The following KLHL5 variants were observed in gnomAD, a reference collection of about 807,000 sequenced individuals.
The protein encoded by KLHL5 is kelch-like protein 5.
A neutral mutation model predicts 77.7 loss-of-function variants in KLHL5; 48 were observed. That is an observed-to-expected ratio of 0.62 (90% confidence interval 0.49 to 0.79). KLHL5 has a LOEUF of 0.79. Ranked by LOEUF, KLHL5 falls within the 30% of genes least tolerant of loss-of-function variation. The pLI is 0.00. For synonymous variants in KLHL5, 260 were observed against 297.0 expected, an observed-to-expected ratio of 0.88 and a Z score of 1.28; for missense variants, 723 against 859.7, an observed-to-expected ratio of 0.84 and a Z score of 1.99.
intron 2 of KLHL5, among the ~76,000 whole-genome samples, chr4:39,078,873 A>G (rs189551638): frequency 2.5e-3 from 382 of 151,694 alleles, no homozygotes; most frequent in Non-Finnish European, 3.9e-3. Flanking sequence ...ACAAAACACC[A>G]CCCATTGCCC....
downstream of KLHL5, among the ~76,000 whole-genome samples, chr4:39,127,420 G>C (rs1723598954): frequency 6.6e-6 from 1 of 152,098 alleles, no homozygotes; most frequent in Non-Finnish European, 1.5e-5. Context: ...AGGACGTAGA[G>C]TAAATTTGGG....
At chr4:39,084,094 C>T (rs1719845901) in intron 4 of KLHL5, among the ~76,000 whole-genome samples, 1 of 152,176 alleles carries the variant, frequency 6.6e-6, no homozygotes, top group African/African-American at 2.4e-5. Flanking sequence ...TGCCTAAAAA[C>T]TATTCCAAAG....
intron 2 of KLHL5, among the ~76,000 whole-genome samples, chr4:39,076,505 G>A (rs1301064816): frequency 1.3e-5 from 2 of 152,124 alleles, no homozygotes; most frequent in East Asian, 1.9e-4. Flanking sequence ...AAAAGCTGGT[G>A]AAGTGGACTA....
At chr4:39,111,028 A>G (rs1722421189) in intron 8 of KLHL5, among the ~76,000 whole-genome samples, 1 of 152,172 alleles carries the variant, frequency 6.6e-6, no homozygotes, top group Non-Finnish European at 1.5e-5. Context: ...CAATTTCTTC[A>G]TAGAGTCCTA....
At chr4:39,045,034 C>G (rs1165407413), upstream of KLHL5, 2 of 993,822 alleles carry the variant, frequency 2.0e-6, no homozygotes, top group Non-Finnish European at 2.4e-6. Flanking sequence ...CCGCCTCCCC[C>G]GCTCCTCCCG....
intron 1 of KLHL5, among the ~76,000 whole-genome samples, chr4:39,073,910 C>G (rs1046206979): frequency 6.6e-6 from 1 of 151,746 alleles, no homozygotes; most frequent in Non-Finnish European, 1.5e-5. Context: ...TCATGATCTA[C>G]CCTCCTCGGC....
At chr4:39,120,932 T>A (rs1723167642) in intron 10 of KLHL5, 78 bp from the exon 11 acceptor site, 1 of 1,117,672 alleles carries the variant, frequency 8.9e-7, no homozygotes, top group African/African-American at 1.5e-5. Context: ...ACAGGCTGTT[T>A]CAATATTTCA....
At chr4:39,077,075 G>GAAAA (rs111230532) in intron 2 of KLHL5, among the ~76,000 whole-genome samples, 2,070 of 138,862 alleles carry the variant, frequency 0.015, 43 homozygotes, top group African/African-American at 0.051. Flanking sequence ...AAATAAATCA[G>GAAAA]AAAAAAAAAA....
intron 1 of KLHL5, among the ~76,000 whole-genome samples, chr4:39,046,319 A>G (rs1430363): frequency 0.73 from 111,352 of 152,106 alleles, 40,907 homozygotes; most frequent in East Asian, 0.82. Context: ...TAGAGCAGGA[A>G]AAGAAGAACA....
At chr4:39,085,343 T>G (rs555747855) in intron 4 of KLHL5, among the ~76,000 whole-genome samples, 1 of 152,188 alleles carries the variant, frequency 6.6e-6, no homozygotes, top group Non-Finnish European at 1.5e-5. Flanking sequence ...TTTAGATTAG[T>G]ACCTCACTCA....
downstream of KLHL5, among the ~76,000 whole-genome samples, chr4:39,131,422 T>C (rs1362685163): frequency 3.3e-5 from 5 of 152,282 alleles, no homozygotes; most frequent in African/African-American, 1.2e-4. Context: ...GATCAGAGCT[T>C]TTAAAGCCAT....
rs868351933 is a variant in KLHL5, at chr4:39,112,920, G to T, written c.1689-100G>T. On this transcript the variant is annotated intron_variant, in intron 8 of 10. Transcript: ENST00000504108. ...ATTGACAGTGTGTTTTATAACTGATGGCACCTTAAATTCAATGAGATAACA... is the reference window on the plus strand; with the variant it reads ...ATTGACAGTGTGTTTTATAACTGATTGCACCTTAAATTCAATGAGATAACA... 3 of 1,001,114 alleles carry T rather than the reference G, an allele frequency of 3.0e-6. No homozygotes were observed. In the African/African-American group the frequency reaches 4.8e-5, roughly 16 times the overall value. 62.0% of individuals were successfully genotyped at this position (1,001,114 alleles called of 1,614,324 possible).
intron 9 of KLHL5, among the ~76,000 whole-genome samples, chr4:39,113,714 T>C (rs971906012): frequency 1.3e-5 from 2 of 152,156 alleles, no homozygotes; most frequent in African/African-American, 4.8e-5. Context: ...ATGTTTAGTC[T>C]AGTACAAGGA....
intron 6 of KLHL5, among the ~76,000 whole-genome samples, chr4:39,101,133 T>C (rs943316733): frequency 1.6e-4 from 23 of 147,712 alleles, no homozygotes; most frequent in African/African-American, 4.7e-4. Flanking sequence ...ATTTTATATA[T>C]ATATATATAT....
Position 39,124,509 on chromosome 4 carries a change from G to A in KLHL5, c.*3443G>A, listed in dbSNP as rs1342188955. ...AATGGAAAGTCCAGAAACAAATTACGCCAATACACTATGGTCAATTGATTT... is the reference window on the plus strand; with the variant it reads ...AATGGAAAGTCCAGAAACAAATTACACCAATACACTATGGTCAATTGATTT... On this transcript the variant is annotated 3_prime_UTR_variant, in exon 11 of 11. Coordinates refer to ENST00000504108, the MANE Select transcript of KLHL5 (RefSeq NM_015990.5). 3.9e-5 allele frequency among the ~76,000 whole-genome samples: 6 copies of A among 151,972 alleles called. No individual in the cohort carries two copies. The highest frequency in any genetic ancestry group is 7.4e-5 in the Non-Finnish European group (5 of 67,954).
chr4:39,090,854 C>G (rs28683781), intron 5 of KLHL5, among the ~76,000 whole-genome samples: 4,642 of 151,864 alleles, frequency 0.031, 259 homozygotes, highest in African/African-American at 0.11. Context: ...CCAGGCTGGA[C>G]TGCTGTGGTA....
chr4:39,077,156 C>A (rs1156824547), intron 2 of KLHL5, among the ~76,000 whole-genome samples: 1 of 151,766 alleles, frequency 6.6e-6, no homozygotes, highest in East Asian at 1.9e-4. Context: ...AAATGGCCAA[C>A]AAGCATATGA....
chr4:39,067,980 G>A (rs547199061), intron 1 of KLHL5, among the ~76,000 whole-genome samples: 29 of 152,058 alleles, frequency 1.9e-4, no homozygotes, highest in African/African-American at 4.1e-4. Flanking sequence ...ACCACACCTG[G>A]CCCCATAACT....
the KLHL5 span, among the ~76,000 whole-genome samples, chr4:39,139,623 G>A: frequency 1.3e-5 from 2 of 152,136 alleles, no homozygotes; most frequent in Admixed American, 1.3e-4. Context: ...ACGGGGGAAG[G>A]CTATGCATGT....
Sources: allele counts gnomAD v4.1 joint callset (sites outside exome capture counted in the v4.1 genomes callset), GRCh38; gene constraint gnomAD v4.1.1; transcripts MANE v1.5; gene names NCBI Gene and HGNC (gene_info 2026-07-23, HGNC 2026-07-21).